RHPN2: variants seen among roughly 807,000 people sequenced by gnomAD.
RHPN2 encodes the protein rhophilin Rho GTPase binding protein 2, also known as rhophilin-2.
A neutral mutation model predicts 79.0 loss-of-function variants in RHPN2; 40 were observed. That is an observed-to-expected ratio of 0.51 (90% CI 0.39 to 0.66). The LOEUF (loss-of-function observed/expected upper bound fraction) is 0.66, where lower values mean the gene tolerates loss of function less well. Among genes scored for constraint, RHPN2 ranks in the 30% least tolerant of loss-of-function variants. The pLI is 0.00. For synonymous variants in RHPN2, 285 were observed against 363.5 expected (o/e 0.78, Z 2.46); for missense variants, 686 against 883.5 (o/e 0.78, Z 2.83).
intron 4 of RHPN2, among the ~76,000 whole-genome samples, chr19:33,013,928 G>A (rs1971857887): frequency 6.6e-6 from 1 of 151,928 alleles, no homozygotes; most frequent in Non-Finnish European, 1.5e-5. Flanking sequence ...CGGCTGGAGT[G>A]CAGTGGTGCG....
At chr19:32,992,221 T>G (rs1272440669) in intron 12 of RHPN2, 6 of 460,028 alleles carry the variant, frequency 1.3e-5, no homozygotes, top group African/African-American at 1.2e-4. Flanking sequence ...TCTTTTTTTT[T>G]GAGACATTGT....
chr19:33,012,862 A>G, intron 4 of RHPN2, 138 bp from the exon 5 acceptor site: 1 of 646,584 alleles, frequency 1.5e-6, no homozygotes, highest in Non-Finnish European at 2.8e-6. Context: ...AAAGTGGGGG[A>G]ATTTATTTTC....
intron 9 of RHPN2, among the ~76,000 whole-genome samples, chr19:33,000,087 G>T (rs531208440): frequency 1.8e-4 from 27 of 152,148 alleles, no homozygotes; most frequent in Admixed American, 1.6e-3. Context: ...GCCCAGGCTG[G>T]TCTCAAACCC....
intron 2 of RHPN2, chr19:33,027,304 A>G (rs1459890583): frequency 2.0e-5 from 3 of 152,868 alleles, no homozygotes; most frequent in Non-Finnish European, 4.3e-5. Flanking sequence ...GGGAGAAATC[A>G]CAGTACATAA....
At chr19:33,039,388 C>T (rs1972082518) in intron 2 of RHPN2, among the ~76,000 whole-genome samples, 2 of 152,124 alleles carry the variant, frequency 1.3e-5, no homozygotes, top group African/African-American at 4.8e-5. Context: ...TCAAGTCACT[C>T]TCATGACAGC....
intron 2 of RHPN2, among the ~76,000 whole-genome samples, chr19:33,036,819 A>C (rs1249943475): frequency 6.6e-6 from 1 of 151,994 alleles, no homozygotes; most frequent in Non-Finnish European, 1.5e-5. Context: ...GCCTGGCCTT[A>C]GCTGCCTTCC....
Position 33,057,045 on chromosome 19 carries a change from G to A in RHPN2, c.69+7739C>T, listed in dbSNP as rs145679130. Among the ~76,000 whole-genome samples the A allele has an allele frequency of 2.7e-3, 417 of 151,650 alleles. 2 individuals carry two copies. Among genetic ancestry groups the A allele is most frequent in the African/African-American group, 9.6e-3 (397 of 41,340 alleles). On this transcript the variant is annotated intron_variant, in intron 1 of 14. Coordinates refer to ENST00000254260, the MANE Select transcript of RHPN2 (RefSeq NM_033103.5). ...TGAGGTAGGAGAATGGCGTGGACCC[G>A]GGAGGTGGAGCTTGCAGTGAGCCGA...
At chr19:32,993,841 AAT>A (rs1971679450) in intron 12 of RHPN2, 134 bp downstream of exon 12, 1 of 720,464 alleles carries the variant, frequency 1.4e-6, no homozygotes, top group African/African-American at 1.8e-5. Context: ...GGAACTAAGA[AAT>A]ATATTTCTGC....
At chr19:33,036,152 C>T (rs779512791) in intron 2 of RHPN2, among the ~76,000 whole-genome samples, 14 of 150,148 alleles carry the variant, frequency 9.3e-5, no homozygotes, top group Middle Eastern at 3.4e-3. Context: ...ATAATAATAT[C>T]GATTCCTGCA....
intron 3 of RHPN2, among the ~76,000 whole-genome samples, chr19:33,021,975 C>T (rs1210124003): frequency 6.6e-6 from 1 of 152,020 alleles, no homozygotes; most frequent in African/African-American, 2.4e-5. Flanking sequence ...GACTCTTGTT[C>T]TGTCGCCCAG....
At chr19:33,049,422 A>G (rs1272355793) in intron 1 of RHPN2, among the ~76,000 whole-genome samples, 1 of 152,116 alleles carries the variant, frequency 6.6e-6, no homozygotes, top group African/African-American at 2.4e-5. Flanking sequence ...AGAGACAGGG[A>G]TTGGTTCTCA....
intron 10 of RHPN2, among the ~76,000 whole-genome samples, chr19:32,997,185 C>T (rs1288255235): frequency 1.3e-5 from 2 of 152,192 alleles, no homozygotes; most frequent in African/African-American, 2.4e-5. Flanking sequence ...AGGCGTGAGT[C>T]ACCGCGCCCA....
At chr19:33,007,171 T>C (rs1239698938) in intron 7 of RHPN2, among the ~76,000 whole-genome samples, 4 of 151,904 alleles carry the variant, frequency 2.6e-5, no homozygotes, top group Non-Finnish European at 5.9e-5. Flanking sequence ...GCTGGAGAAG[T>C]TGGCAGAATG....
chr19:32,992,605 T>C (rs1013174545), intron 12 of RHPN2, among the ~76,000 whole-genome samples: 2 of 152,150 alleles, frequency 1.3e-5, no homozygotes, highest in Non-Finnish European at 2.9e-5. Context: ...GGCCAGGGGT[T>C]TGAGACCAGC....
chr19:33,062,131 A>C (rs952058918), intron 1 of RHPN2, among the ~76,000 whole-genome samples: 2 of 152,202 alleles, frequency 1.3e-5, no homozygotes, highest in Non-Finnish European at 2.9e-5. Flanking sequence ...TGATGATTTT[A>C]ATTGTAAAAC....
intron 2 of RHPN2, among the ~76,000 whole-genome samples, chr19:33,034,705 T>C (rs1972042412): frequency 7.3e-6 from 1 of 136,922 alleles, no homozygotes; most frequent in Non-Finnish European, 1.5e-5. Context: ...CGCTTGAACC[T>C]GGGAGGCGGA....
At chr19:33,044,984 C>T (rs1016152611) in intron 1 of RHPN2, among the ~76,000 whole-genome samples, 7 of 152,112 alleles carry the variant, frequency 4.6e-5, no homozygotes, top group African/African-American at 1.7e-4. Context: ...GCCCAATCAT[C>T]CTCCAGGACA....
chr19:33,008,250 CTTTT>C (rs71340517), intron 6 of RHPN2, 70 bp from the exon 7 acceptor site: 63 of 1,084,188 alleles, frequency 5.8e-5, no homozygotes, highest in East Asian at 1.7e-4. Context: ...GGAAAAAATT[CTTTT>C]TTTTTTTTTT....
Position 33,019,286 on chromosome 19 carries a change from A to G in RHPN2, c.390+2285T>C, listed in dbSNP as rs141223968. On this transcript the variant is annotated intron_variant, in intron 4 of 14. Coordinates refer to ENST00000254260, the MANE Select transcript of RHPN2 (RefSeq NM_033103.5). ...AGTGGGAAACTCTGTCTTTACGAAA[A>G]ATACAAAAATTAGCCAGGCATGGTG... is the stretch of plus-strand genomic sequence containing the variant. 4.3e-3 allele frequency among the ~76,000 whole-genome samples: 649 copies of G among 151,932 alleles called. 1 individual carries two copies. The highest frequency in any genetic ancestry group is 0.015 in the African/African-American group (629 of 41,462).
Sources: gnomAD v4.1 joint callset for allele counts (sites outside exome capture counted in the v4.1 genomes callset) on GRCh38, gnomAD v4.1.1 for gene constraint, MANE v1.5 for transcripts, NCBI Gene and HGNC (gene_info 2026-07-23, HGNC 2026-07-21) for gene names.